MICAL2: variants seen among roughly 807,000 people sequenced by gnomAD.
MICAL2 encodes the protein microtubule associated monooxygenase, calponin and LIM domain containing 2.
In MICAL2, 77 loss-of-function variants were observed where a neutral mutation model predicts 127.3. The ratio of observed to expected loss-of-function variants is 0.60; its 90% CI spans 0.50 to 0.73. The LOEUF is 0.73. Among genes scored for constraint, MICAL2 ranks in the 30% least tolerant of loss-of-function variants. The probability of loss-of-function intolerance (pLI) is 0.00; values close to 1 mark genes in which losing one functional copy is unlikely to be tolerated. For synonymous variants in MICAL2, 570 were observed against 551.1 expected (o/e 1.03, Z -0.48); for missense variants, 1,351 against 1,434.4 (o/e 0.94, Z 0.94).
At chr11:12,338,000 C>G (rs975508371) in intron 32 of MICAL2, among the ~76,000 whole-genome samples, 1 of 151,912 alleles carries the variant, frequency 6.6e-6, no homozygotes, top group Non-Finnish European at 1.5e-5. Context: ...TTCAATTCCT[C>G]GATATCCTTG....
rs545376692 is a variant in MICAL2, at chr11:12,220,270, C to A, written c.1018C>A (p.Arg340=). Residue 340 remains arginine, a synonymous_variant, in exon 9 of 28, where the codon CGG becomes AGG. Transcript: ENST00000683283. ...VNQDNLLSYA[R]EAADFATNYQ... ...CCAAGACAACCTGCTATCCTATGCC[C>A]GGGAAGCTGCAGACTTTGCCACCAA... 1 of 1,614,094 alleles carries A rather than the reference C, an allele frequency of 6.2e-7. No individual in the cohort carries two copies. Among genetic ancestry groups the A allele is most frequent in the African/African-American group, 1.3e-5 (1 of 74,944 alleles).
chr11:12,244,443 T>G (rs1696491341), intron 21 of MICAL2, among the ~76,000 whole-genome samples: 1 of 152,246 alleles, frequency 6.6e-6, no homozygotes, highest in South Asian at 2.1e-4. Flanking sequence ...AAATAGCACA[T>G]TAGCATAGAA....
At chr11:12,331,839 CCTTCT>C (rs889024335) in intron 32 of MICAL2, among the ~76,000 whole-genome samples, 6 of 152,092 alleles carry the variant, frequency 3.9e-5, no homozygotes, top group African/African-American at 1.4e-4. Flanking sequence ...CAAAAATATT[CCTTCT>C]CTTTTCTTTT....
In MICAL2 at chr11:12,330,797, G is replaced by GAGAGAGAC. The variant is rs1428008351; in HGVS notation, c.5515+3539_5515+3546dup. Reference sequence around the variant, plus strand: ...GTTTTGCAGGACGTGGAGAGAGAGAGAGAGAGACAGAGAGAGAGAGAGAGG... The same window carrying GAGAGAGAC: ...GTTTTGCAGGACGTGGAGAGAGAGAGAGAGAGACAGAGAGACAGAGAGAGAGAGAGAGG... On this transcript the variant is annotated intron_variant, in intron 32 of 34. Transcript: ENST00000646065. Among the ~76,000 whole-genome samples, 121 of 117,918 alleles carry GAGAGAGAC rather than the reference G, an allele frequency of 1.0e-3. 3 individuals are homozygous for GAGAGAGAC. The highest frequency in any genetic ancestry group is 2.3e-3 in the Non-Finnish European group (108 of 47,280). 77.4% of individuals were successfully genotyped at this position (117,918 alleles called of 152,430 possible). A position where few individuals can be genotyped will look rare whatever the true frequency, so the allele number is the denominator to read the frequency against.
chr11:12,252,155 C>G (rs1272042413), intron 22 of MICAL2, among the ~76,000 whole-genome samples: 1 of 152,190 alleles, frequency 6.6e-6, no homozygotes, highest in Non-Finnish European at 1.5e-5. Flanking sequence ...ATCTGAGGGG[C>G]CAAGCTGGGG....
In MICAL2 at chr11:12,226,317, T is replaced by G. The variant is rs747197740; in HGVS notation, c.1835T>G (p.Met612Arg). Residue 612 changes from methionine to arginine, a missense_variant, in exon 14 of 28, where the codon ATG (methionine) becomes AGG (arginine). Physicochemically the swap from Met to Arg is moderately conservative, Grantham distance 91 (BLOSUM62 -1). This residue lies in a region of MICAL2 where 752 missense variants were observed against 719.4 expected (regional missense o/e 1.05). Transcript: ENST00000683283. ...GAGCCTGACAAGCTCAGCATGGTCATGTACCTCTCCAAGTTCTACGAGCTC... is the reference window on the plus strand; with the variant it reads ...GAGCCTGACAAGCTCAGCATGGTCAGGTACCTCTCCAAGTTCTACGAGCTC... Reference protein sequence around the residue: ...AQEPDKLSMVMYLSKFYELFR... With the variant: ...AQEPDKLSMVRYLSKFYELFR... 6.2e-7 allele frequency: 1 copy of G among 1,614,092 alleles called. No homozygotes were observed. The highest frequency in any genetic ancestry group is 8.5e-7 in the Non-Finnish European group (1 of 1,180,040).
downstream of MICAL2, among the ~76,000 whole-genome samples, chr11:12,359,583 G>T (rs1001323448): frequency 6.6e-6 from 1 of 152,046 alleles, no homozygotes; most frequent in Non-Finnish European, 1.5e-5. Flanking sequence ...TCCCAAACTG[G>T]GTCATGAATT....
intron 3 of MICAL2, among the ~76,000 whole-genome samples, chr11:12,189,675 A>G (rs530916166): frequency 6.6e-6 from 1 of 152,346 alleles, no homozygotes; most frequent in East Asian, 1.9e-4. Flanking sequence ...GCGATGATGC[A>G]TTAGACCTGG....
intron 29 of MICAL2, among the ~76,000 whole-genome samples, chr11:12,310,637 G>T (rs1864162898): frequency 1.3e-5 from 2 of 151,950 alleles, no homozygotes; most frequent in South Asian, 2.1e-4. Context: ...TTTTGCTCAG[G>T]AATACTTTAG....
At chr11:12,270,131 G>A (rs1863658058) in intron 24 of MICAL2, among the ~76,000 whole-genome samples, 2 of 152,158 alleles carry the variant, frequency 1.3e-5, no homozygotes, top group South Asian at 4.1e-4. Context: ...ACATACACTG[G>A]CAGTGGGTAG....
Position 12,282,662 on chromosome 11 carries a change from C to T in MICAL2, c.254+1563C>T, listed in dbSNP as rs181899706. 3.3e-5 allele frequency among the ~76,000 whole-genome samples: 5 copies of T among 152,286 alleles called. No homozygotes were observed. The East Asian group carries it at 7.7e-4, about 23-fold the overall frequency. On this transcript the variant is annotated intron_variant, in intron 2 of 2. Transcript: ENST00000529028. ...CCAGCATTTAAAAGGAAACACAGAA[C>T]ATCGTTACTCTCATTGTTTATGAGG...
At chr11:12,294,722 G>T (rs1863957645), downstream of MICAL2, 1 of 1,613,892 alleles carries the variant, frequency 6.2e-7, no homozygotes, top group Non-Finnish European at 8.5e-7. Context: ...CAAGAGGAAG[G>T]TGCTGCCTGA....
chr11:12,234,724 T>G (rs1277910378), intron 15 of MICAL2, among the ~76,000 whole-genome samples: 1 of 152,130 alleles, frequency 6.6e-6, no homozygotes, highest in Non-Finnish European at 1.5e-5. Flanking sequence ...CAGGGGATGA[T>G]GAAGAGGACA....
rs759914846 is a variant in MICAL2 at position 12,224,574 on chromosome 11, G to A, written c.1541-99G>A. On this transcript the variant is annotated intron_variant, in intron 12 of 27. Transcript: ENST00000683283. ...CTGGCCCCTTGCCTTGGGGCCGCTC[G>A]TCCTGGTCCCCAGCCATGGTGGCAA... 126 of 1,508,898 alleles carry A rather than the reference G, an allele frequency of 8.4e-5. 1 individual carries two copies. In the Admixed American group the frequency reaches 1.0e-3, roughly 12 times the overall value. The allele number at this position is 1,508,898 out of a possible 1,614,324, so 93.5% of individuals were successfully genotyped here. A position where few individuals can be genotyped will look rare whatever the true frequency, so the allele number is the denominator to read the frequency against.
chr11:12,240,991 C>T, intron 17 of MICAL2, 49 bp from the exon 18 acceptor site: 1 of 1,602,444 alleles, frequency 6.2e-7, no homozygotes, highest in Non-Finnish European at 8.5e-7. Context: ...TCACCTTTTC[C>T]TTCATGTCTC....
intron 1 of MICAL2, among the ~76,000 whole-genome samples, chr11:12,117,937 G>A (rs1462434575): frequency 1.3e-5 from 2 of 152,200 alleles, no homozygotes; most frequent in East Asian, 3.9e-4. Flanking sequence ...TTTTCTTCAG[G>A]GAATGTCCTG....
chr11:12,187,487 C>G (rs952358287), intron 3 of MICAL2, among the ~76,000 whole-genome samples: 2 of 152,228 alleles, frequency 1.3e-5, no homozygotes, highest in African/African-American at 4.8e-5. Flanking sequence ...TGCGTCCAGA[C>G]AGCGGCAGGC....
At chr11:12,298,301 T>A (rs1292231398) in intron 29 of MICAL2, among the ~76,000 whole-genome samples, 1 of 152,108 alleles carries the variant, frequency 6.6e-6, no homozygotes, top group Non-Finnish European at 1.5e-5. Context: ...CTACTGTTGT[T>A]TGTATATATG....
rs1697945259 is a variant in MICAL2, at chr11:12,226,377, A to G, written c.1888+7A>G. 1 of 1,613,466 alleles carries G rather than the reference A, an allele frequency of 6.2e-7. No homozygotes were observed. The highest frequency in any genetic ancestry group is 8.5e-7 in the Non-Finnish European group (1 of 1,179,796). On this transcript the variant is annotated splice_region_variant and intron_variant, in intron 14 of 27. Transcript: ENST00000683283. Reference sequence around the variant, plus strand: ...ACCCCACTGAGGCCCGTGGGTAAGCACCTGCACAGAGGTTTTGCTTAGCCC... The same window carrying G: ...ACCCCACTGAGGCCCGTGGGTAAGCGCCTGCACAGAGGTTTTGCTTAGCCC...
Sources: allele counts gnomAD v4.1 joint callset (sites outside exome capture counted in the v4.1 genomes callset), GRCh38; gene constraint gnomAD v4.1.1; regional missense constraint gnomAD v4.1.1; transcripts MANE v1.5; gene names NCBI Gene and HGNC (gene_info 2026-07-23, HGNC 2026-07-21).